The following SLC25A26 variants were observed in gnomAD, a reference collection of about 807,000 sequenced individuals.
SLC25A26 encodes solute carrier family 25 member 26.
A neutral mutation model predicts 37.8 loss-of-function variants in SLC25A26; 36 were observed. That is an observed-to-expected ratio of 0.95 (90% CI 0.73 to 1.26). The LOEUF is 1.26. SLC25A26 is among the 50% of genes most tolerant of loss of function. The pLI, the probability that SLC25A26 is intolerant of heterozygous loss-of-function variation, is 0.00. For missense variants in SLC25A26, 390 were observed against 331.1 expected, an observed-to-expected ratio of 1.18 and a Z score of -1.38; for synonymous variants, 129 against 122.5, an observed-to-expected ratio of 1.05 and a Z score of -0.35.
At chr3:66,263,847 A>G (rs981472731) in intron 5 of SLC25A26, among the ~76,000 whole-genome samples, 6 of 151,972 alleles carry the variant, frequency 3.9e-5, no homozygotes, top group Admixed American at 1.3e-4. Context: ...TTTAGTAGAG[A>G]TGGGGTTTCA....
chr3:66,362,215 T>C (rs1385296077), intron 6 of SLC25A26, among the ~76,000 whole-genome samples: 6 of 152,208 alleles, frequency 3.9e-5, no homozygotes, highest in African/African-American at 1.2e-4. Context: ...TGAAAGCATG[T>C]ATACATATAA....
intron 4 of SLC25A26, 22 bp downstream of exon 4, chr3:66,262,177 C>T: frequency 8.0e-7 from 1 of 1,246,678 alleles, no homozygotes; most frequent in Non-Finnish European, 1.1e-6. Context: ...TTTTTAAGCT[C>T]TTCTTTTCTT....
chr3:66,349,741 A>G (rs1043256720), intron 6 of SLC25A26, among the ~76,000 whole-genome samples: 2 of 152,174 alleles, frequency 1.3e-5, no homozygotes, highest in African/African-American at 4.8e-5. Flanking sequence ...TGGGTCATAC[A>G]GAAGGTGTAT....
chr3:66,235,849 A>G (rs1372812677), intron 1 of SLC25A26, among the ~76,000 whole-genome samples: 1 of 152,236 alleles, frequency 6.6e-6, no homozygotes, highest in Non-Finnish European at 1.5e-5. Context: ...AGTTATTAGG[A>G]ACAAGATTGG....
intron 1 of SLC25A26, among the ~76,000 whole-genome samples, chr3:66,227,931 A>G (rs901849224): frequency 2.0e-5 from 3 of 151,180 alleles, no homozygotes; most frequent in Non-Finnish European, 4.4e-5. Flanking sequence ...TTTGCCTCTT[A>G]TCTTTTCTGG....
rs952602432 is a variant in SLC25A26 at position 66,214,445 on chromosome 3, A to G, written c.-353-6297A>G. On this transcript the variant is annotated intron_variant, in intron 1 of 10. Transcript: ENST00000676754. ...AACTGACTCACATTAAGATTTTATT[A>G]CATATGGCCACATTGCTCACCAGAA... Among the ~76,000 whole-genome samples, 960 of 152,354 alleles carry G rather than the reference A, an allele frequency of 6.3e-3. 14 individuals carry two copies. Among genetic ancestry groups the G allele is most frequent in the African/African-American group, 0.022 (910 of 41,578 alleles).
chr3:66,164,363 T>G (rs2070397471), intron 1 of SLC25A26, among the ~76,000 whole-genome samples: 2 of 152,166 alleles, frequency 1.3e-5, no homozygotes, highest in African/African-American at 4.8e-5. Context: ...GGTTGCAAAA[T>G]AGCTGCCATA....
At chr3:66,198,897 A>G (rs1470298955) in intron 1 of SLC25A26, among the ~76,000 whole-genome samples, 1 of 150,894 alleles carries the variant, frequency 6.6e-6, no homozygotes, top group Non-Finnish European at 1.5e-5. Flanking sequence ...ACTGATCTTG[A>G]CCTTGATCTG....
At chr3:66,168,749 C>T (rs2070457882) in intron 1 of SLC25A26, among the ~76,000 whole-genome samples, 1 of 152,038 alleles carries the variant, frequency 6.6e-6, no homozygotes, top group African/African-American at 2.4e-5. Context: ...TGGGGCTGTC[C>T]CCCAAGGAAG....
At position 66,266,902 on chromosome 3, in the gene SLC25A26, A is replaced by C. The variant is rs147780851; in HGVS notation, c.453+3523A>C. On this transcript the variant is annotated intron_variant, in intron 5 of 9. Coordinates refer to ENST00000354883, the MANE Select transcript of SLC25A26 (RefSeq NM_001379210.1). ...GAGCAGCCTCATACTCTTGGATGTG[A>C]ATTAGAAGGACTTTTTATAGAGGAA... Among the ~76,000 whole-genome samples the C allele has an allele frequency of 4.7e-3, 714 of 152,280 alleles. 11 individuals are homozygous for C. Among genetic ancestry groups the C allele is most frequent in the African/African-American group, 0.012 (512 of 41,556 alleles).
chr3:66,244,226 G>C (rs2072719655), intron 3 of SLC25A26, among the ~76,000 whole-genome samples: 1 of 152,102 alleles, frequency 6.6e-6, no homozygotes, highest in Non-Finnish European at 1.5e-5. Context: ...AAATACGTAA[G>C]GCAAAAAACA....
chr3:66,356,769 A>G (rs1410607164), intron 6 of SLC25A26, among the ~76,000 whole-genome samples: 1 of 152,062 alleles, frequency 6.6e-6, no homozygotes, highest in Non-Finnish European at 1.5e-5. Context: ...GCTGGGACTC[A>G]GGGGTGTGCC....
chr3:66,336,865 T>G (rs1336582404), intron 5 of SLC25A26, among the ~76,000 whole-genome samples: 1 of 152,154 alleles, frequency 6.6e-6, no homozygotes, highest in South Asian at 2.1e-4. Context: ...TTAAGAACTT[T>G]TCAAGTGTTC....
At chr3:66,307,883 T>C (rs1316312921) in intron 5 of SLC25A26, among the ~76,000 whole-genome samples, 4 of 152,236 alleles carry the variant, frequency 2.6e-5, no homozygotes, top group Non-Finnish European at 5.9e-5. Flanking sequence ...ACCAGTACCC[T>C]GCTGTTTAGG....
chr3:66,146,004 C>T (rs796192231), intron 1 of SLC25A26, among the ~76,000 whole-genome samples: 12 of 152,026 alleles, frequency 7.9e-5, no homozygotes, highest in African/African-American at 2.9e-4. Flanking sequence ...GAAAGTAGAC[C>T]GTTTTTACAC....
chr3:66,247,154 G>A (rs185394016), intron 3 of SLC25A26, among the ~76,000 whole-genome samples: 4 of 152,118 alleles, frequency 2.6e-5, no homozygotes, highest in African/African-American at 7.2e-5. Context: ...GTCAGCCACC[G>A]CGCCAGGCCC....
chr3:66,315,266 A>G (rs1242294685), intron 5 of SLC25A26, among the ~76,000 whole-genome samples: 1 of 152,142 alleles, frequency 6.6e-6, no homozygotes, highest in Non-Finnish European at 1.5e-5. Context: ...ATTTATTGCT[A>G]TAAATTTCCC....
At chr3:66,366,954 C>T (rs2076836491) in intron 7 of SLC25A26, among the ~76,000 whole-genome samples, 1 of 152,214 alleles carries the variant, frequency 6.6e-6, no homozygotes, top group South Asian at 2.1e-4. Context: ...GTGCCTAGTG[C>T]ATTCCTGGCA....
chr3:66,239,634 G>T (rs2107068645), intron 2 of SLC25A26, among the ~76,000 whole-genome samples: 1 of 152,192 alleles, frequency 6.6e-6, no homozygotes, highest in Non-Finnish European at 1.5e-5. Flanking sequence ...ATCTTGTCAT[G>T]AAATGACTTT....
Sources: gnomAD v4.1 joint callset for allele counts (sites outside exome capture counted in the v4.1 genomes callset) on GRCh38, gnomAD v4.1.1 for gene constraint, MANE v1.5 for transcripts, NCBI Gene and HGNC (gene_info 2026-07-23, HGNC 2026-07-21) for gene names.